Variants in CDH5 observed in about 807,000 individuals in gnomAD.
CDH5 encodes cadherin-5.
CDH5 carries 28 observed loss-of-function variants against 62.0 expected under a neutral mutation model. The observed-to-expected ratio is 0.45, with a 90% CI of 0.33 to 0.62. The LOEUF (loss-of-function observed/expected upper bound fraction) is 0.62, where lower values mean the gene tolerates loss of function less well. Among genes scored for constraint, CDH5 ranks in the 20% least tolerant of loss-of-function variants. The pLI, the probability that CDH5 is intolerant of heterozygous loss-of-function variation, is 0.02. For synonymous variants in CDH5, 464 were observed against 445.8 expected (o/e 1.04, Z -0.52); for missense variants, 940 against 1,065.1 (o/e 0.88, Z 1.63).
intron 11 of CDH5, 120 bp from the exon 12 acceptor site, chr16:66,402,532 G>T: frequency 1.2e-6 from 1 of 839,216 alleles, no homozygotes; most frequent in Non-Finnish European, 1.8e-6. Flanking sequence ...GGGGCCAAAG[G>T]GATGGGCATG....
rs1453436001 is a variant in CDH5, at chr16:66,402,889, C to T, written c.2075C>T (p.Pro692Leu). 2.5e-6 allele frequency: 4 copies of T among 1,610,394 alleles called. No homozygotes were observed. In the Admixed American group the frequency reaches 6.7e-5, roughly 27 times the overall value. ...PSLYAQVQKPPRHAPGAHGGP... is the reference protein window; with the variant it reads ...PSLYAQVQKPLRHAPGAHGGP... ...CTCTATGCGCAGGTGCAGAAGCCACCGAGGCACGCGCCTGGGGCACACGGA... is the reference window on the plus strand; with the variant it reads ...CTCTATGCGCAGGTGCAGAAGCCACTGAGGCACGCGCCTGGGGCACACGGA... Residue 692 changes from proline (P) to leucine (L), a missense_variant, in exon 12 of 12, where the codon CCG becomes CTG. Coordinates refer to ENST00000341529, the MANE Select transcript of CDH5 (RefSeq NM_001795.5).
At chr16:66,386,773 G>A (rs779343413) in intron 2 of CDH5, 36 bp from the exon 3 acceptor site, 31 of 1,548,452 alleles carry the variant, frequency 2.0e-5, no homozygotes, top group South Asian at 9.7e-5. Flanking sequence ...AGCCACTGCC[G>A]CCCATTCCCA....
chr16:66,375,140 C>T (rs8051676), intron 1 of CDH5, among the ~76,000 whole-genome samples: 2,660 of 152,262 alleles, frequency 0.017, 79 homozygotes, highest in African/African-American at 0.06. Flanking sequence ...AGGCTCCATA[C>T]CTGTGCAGCA....
chr16:66,400,332 G>A (rs1239839827), intron 10 of CDH5, among the ~76,000 whole-genome samples: 1 of 152,262 alleles, frequency 6.6e-6, no homozygotes, highest in South Asian at 2.1e-4. Flanking sequence ...TTTTCAGAGA[G>A]AGCAGAAGCT....
At position 66,390,407 on chromosome 16, in the gene CDH5, G is replaced by A; in HGVS notation, c.786G>A (p.Lys262=). The A allele has an allele frequency of 6.2e-7, 1 of 1,612,548 alleles. No individual in the cohort carries two copies. Among genetic ancestry groups the A allele is most frequent in the Non-Finnish European group, 8.5e-7 (1 of 1,179,008 alleles). ...NDNFPFFTQT[K]YTFVVPEDTR... ...GGGGTGCTCTGTTTGCATCAGCCAA[G>A]TACACATTTGTCGTGCCTGAAGACA... The change falls in exon 6 of 12, where the codon AAG becomes AAA. Residue 262 remains lysine (K), a synonymous_variant. Transcript: ENST00000341529.
chr16:66,369,179 T>C, intron 1 of CDH5, among the ~76,000 whole-genome samples: 1 of 152,096 alleles, frequency 6.6e-6, no homozygotes. Flanking sequence ...GTCCAGATAC[T>C]AGAAGGAGGA....
At chr16:66,399,804 C>T (rs1006692777) in intron 10 of CDH5, among the ~76,000 whole-genome samples, 2 of 152,202 alleles carry the variant, frequency 1.3e-5, no homozygotes, top group African/African-American at 4.8e-5. Flanking sequence ...ATGTCAAAAT[C>T]TCTAGTTTCT....
chr16:66,386,750 C>G, intron 2 of CDH5, 59 bp from the exon 3 acceptor site: 2 of 1,451,532 alleles, frequency 1.4e-6, no homozygotes, highest in Non-Finnish European at 1.9e-6. Context: ...CTCTCACTCA[C>G]ACACTCACAC....
In CDH5 at chr16:66,404,533, C is replaced by T. The variant is rs960682713; in HGVS notation, c.*1364C>T. 1 of 152,228 alleles carries T rather than the reference C, an allele frequency of 6.6e-6. No homozygotes were observed. Among genetic ancestry groups the T allele is most frequent in the African/African-American group, 2.4e-5 (1 of 41,430 alleles). The allele number at this position is 152,228 out of a possible 1,614,324, so 9.4% of individuals were successfully genotyped here. A position where few individuals can be genotyped will look rare whatever the true frequency, so the allele number is the denominator to read the frequency against. On this transcript the variant is annotated 3_prime_UTR_variant, in exon 12 of 12. Coordinates refer to ENST00000341529, the MANE Select transcript of CDH5 (RefSeq NM_001795.5). ...CTAGCTTCTTATAATGATTTTTTTA[C>T]TAATGATACTTACAAGTTTCTAGCT...
At chr16:66,399,705 G>A (rs142265051) in intron 10 of CDH5, among the ~76,000 whole-genome samples, 76 of 152,274 alleles carry the variant, frequency 5.0e-4, no homozygotes, top group Admixed American at 8.5e-4. Flanking sequence ...CAATACAGTA[G>A]AAAGATTCAG....
At chr16:66,388,824 T>A (rs1567464987) in intron 4 of CDH5, among the ~76,000 whole-genome samples, 1 of 152,180 alleles carries the variant, frequency 6.6e-6, no homozygotes, top group Non-Finnish European at 1.5e-5. Context: ...CTGCAAGCCT[T>A]AGTTCCCTCA....
rs371977380 is a variant in CDH5, at chr16:66,398,498, C to A, written c.1528C>A (p.Arg510=). ...ISAIDKDITP[R]NVKFKFILNT... is the part of the protein sequence containing the mutation. ...CGCAATAGACAAGGACATAACACCACGAAACGTGAAGTTCAAATTCATCTT... is the reference window on the plus strand; with the variant it reads ...CGCAATAGACAAGGACATAACACCAAGAAACGTGAAGTTCAAATTCATCTT... Residue 510 remains arginine (R), a synonymous_variant, in exon 10 of 12, where the codon CGA becomes AGA. Coordinates refer to ENST00000341529, the MANE Select transcript of CDH5 (RefSeq NM_001795.5). 5 of 1,609,912 alleles carry A rather than the reference C, an allele frequency of 3.1e-6. No individual in the cohort carries two copies. The highest frequency in any genetic ancestry group is 2.2e-5 in the East Asian group (1 of 44,850).
In CDH5 at chr16:66,401,166, T is replaced by TGTGCAGG. The variant is rs1429539663; in HGVS notation, c.1837+151_1837+157dup. 53 of 1,050,214 alleles carry TGTGCAGG rather than the reference T, an allele frequency of 5.0e-5. No individual in the cohort carries two copies. In the Middle Eastern group the frequency reaches 1.8e-3, roughly 36 times the overall value. 65.1% of individuals were successfully genotyped at this position (1,050,214 alleles called of 1,614,324 possible). ...TGCAATGCAGCCCTTAGCCAGTTCA[T>TGTGCAGG]GTGCAGGATGCAGGATGTGAGCTCC... is the stretch of plus-strand genomic sequence containing the variant. On this transcript the variant is annotated intron_variant, in intron 11 of 11. Coordinates refer to ENST00000341529, the MANE Select transcript of CDH5 (RefSeq NM_001795.5).
intron 1 of CDH5, among the ~76,000 whole-genome samples, chr16:66,373,501 C>A (rs866124446): frequency 4.6e-5 from 7 of 151,866 alleles, no homozygotes; most frequent in Admixed American, 1.3e-4. Context: ...CTGCAACCCC[C>A]GCCTCCCAGG....
rs868280292 is a variant in CDH5, at chr16:66,402,709, G to A, written c.1895G>A (p.Gly632Asp). The change falls in exon 12 of 12, where the codon GGC becomes GAC. Residue 632 changes from glycine to aspartate, a missense_variant. Physicochemically the swap from Gly to Asp is moderately conservative, Grantham distance 94. Coordinates refer to ENST00000341529, the MANE Select transcript of CDH5 (RefSeq NM_001795.5). ...CTCCGGAAGCAGGCCCGCGCGCACG[G>A]CAAGAGCGTGCCGGAGATCCACGAG... ...RRLRKQARAH[G>D]KSVPEIHEQL... The A allele has an allele frequency of 3.1e-6, 5 of 1,609,452 alleles. No individual in the cohort carries two copies. Among genetic ancestry groups the A allele is most frequent in the African/African-American group, 1.3e-5 (1 of 74,962 alleles).
In CDH5 at chr16:66,402,668, C is replaced by T. The variant is rs1386102992; in HGVS notation, c.1854C>T (p.Ile618=). ...TGGCTGCAGTGATCACCCTGCTCAT[C>T]TTCCTGCGGCGGCGGCTCCGGAAGC... The part of the protein sequence containing the change: ...ILTITVITLL[I]FLRRRLRKQA... The change falls in exon 12 of 12, where the codon ATC becomes ATT. Residue 618 remains isoleucine, a synonymous_variant. Coordinates refer to ENST00000341529, the MANE Select transcript of CDH5 (RefSeq NM_001795.5). 2 of 1,598,484 alleles carry T rather than the reference C, an allele frequency of 1.3e-6. No homozygotes were observed. The highest frequency in any genetic ancestry group is 8.5e-7 in the Non-Finnish European group (1 of 1,174,072).
chr16:66,388,309 A>G lies in CDH5; in HGVS notation c.500-15A>G. 6.4e-7 allele frequency: 1 copy of G among 1,570,016 alleles called. No homozygotes were observed. Among genetic ancestry groups the G allele is most frequent in the Non-Finnish European group, 8.8e-7 (1 of 1,139,960 alleles). ...GCAGTCACAAGTCAGCAACCCCAGGATTCTCTCTCTGCAGGGACCTCAGTC... is the reference window on the plus strand; with the variant it reads ...GCAGTCACAAGTCAGCAACCCCAGGGTTCTCTCTCTGCAGGGACCTCAGTC... On this transcript the variant is annotated splice_polypyrimidine_tract_variant and intron_variant, in intron 3 of 11. Coordinates refer to ENST00000341529, the MANE Select transcript of CDH5 (RefSeq NM_001795.5).
At chr16:66,393,576 C>A (rs1961125764) in intron 7 of CDH5, among the ~76,000 whole-genome samples, 1 of 152,178 alleles carries the variant, frequency 6.6e-6, no homozygotes, top group African/African-American at 2.4e-5. Flanking sequence ...AGAACTCTGT[C>A]CCATGGTCTA....
At chr16:66,387,785 C>G (rs1961012321) in intron 3 of CDH5, among the ~76,000 whole-genome samples, 1 of 152,212 alleles carries the variant, frequency 6.6e-6, no homozygotes, top group African/African-American at 2.4e-5. Context: ...GGACAGAGCA[C>G]TAGCCCCAAG....
Sources: allele counts gnomAD v4.1 joint callset (sites outside exome capture counted in the v4.1 genomes callset), GRCh38; gene constraint gnomAD v4.1.1; transcripts MANE v1.5; gene names NCBI Gene and HGNC (gene_info 2026-07-23, HGNC 2026-07-21).